DNAJB13: variants seen among roughly 807,000 people sequenced by gnomAD.
DNAJB13 encodes DnaJ heat shock protein family (Hsp40) member B13, also known as dnaJ homolog subfamily B member 13.
A neutral mutation model predicts 35.6 loss-of-function variants in DNAJB13; 22 were observed. The observed-to-expected ratio is 0.62, with a 90% CI of 0.44 to 0.88. DNAJB13 has a LOEUF of 0.88. Among genes scored for constraint, DNAJB13 ranks in the 40% least tolerant of loss-of-function variants. The pLI is 0.00. For missense variants in DNAJB13, 370 were observed against 384.3 expected, an observed-to-expected ratio of 0.96 and a Z score of 0.31; for synonymous variants, 136 against 144.2, an observed-to-expected ratio of 0.94 and a Z score of 0.41.
chr11:73,952,565 G>A (rs1419970531), intron 1 of DNAJB13, among the ~76,000 whole-genome samples: 1 of 152,088 alleles, frequency 6.6e-6, no homozygotes, highest in Non-Finnish European at 1.5e-5. Flanking sequence ...CTGCGGTGTT[G>A]GAGAAAAAAG....
At chr11:73,951,978 T>C (rs1299734389) in intron 1 of DNAJB13, among the ~76,000 whole-genome samples, 1 of 152,182 alleles carries the variant, frequency 6.6e-6, no homozygotes, top group Non-Finnish European at 1.5e-5. Flanking sequence ...CAAATATTTA[T>C]TGAGCGTCTA....
chr11:73,966,845 A>ATTTTTTTTT lies in DNAJB13; in HGVS notation c.606+611_606+619dup, dbSNP rs770257573. ...AGGCATGTGCCACCACGCCCAGCTA[A>ATTTTTTTTT]TTTTTTTTTTTTTTTTTTTTTTTTT... On this transcript the variant is annotated intron_variant, in intron 5 of 7. Transcript: ENST00000339764. Among the ~76,000 whole-genome samples, 16 of 98,230 alleles carry ATTTTTTTTT rather than the reference A, an allele frequency of 1.6e-4. 1 individual carries two copies. The highest frequency in any genetic ancestry group is 6.1e-4 in the African/African-American group (13 of 21,144). 64.4% of individuals were successfully genotyped at this position (98,230 alleles called of 152,430 possible).
chr11:73,961,971 G>A (rs1950944861), intron 3 of DNAJB13, among the ~76,000 whole-genome samples: 4 of 152,252 alleles, frequency 2.6e-5, no homozygotes, highest in African/African-American at 9.6e-5. Flanking sequence ...TGTATTTTGA[G>A]TAGAGATGGG....
chr11:73,954,000 A>AT (rs374256158), intron 1 of DNAJB13, among the ~76,000 whole-genome samples: 8,625 of 136,412 alleles, frequency 0.063, 360 homozygotes, highest in African/African-American at 0.11. Context: ...AATAATAATA[A>AT]AATAATAATA....
intron 3 of DNAJB13, chr11:73,964,215 C>G (rs1047076054): frequency 1.3e-5 from 2 of 152,782 alleles, no homozygotes; most frequent in African/African-American, 4.8e-5. Flanking sequence ...AGGATGGGGG[C>G]AGCAAGAGGG....
chr11:73,955,399 T>G (rs1240326358), intron 1 of DNAJB13, among the ~76,000 whole-genome samples: 1 of 151,252 alleles, frequency 6.6e-6, no homozygotes, highest in African/African-American at 2.4e-5. Context: ...ACCTCCACCT[T>G]CTAGGTTCAA....
chr11:73,954,641 A>AT (rs1950688691), intron 1 of DNAJB13, among the ~76,000 whole-genome samples: 1 of 125,192 alleles, frequency 8.0e-6, no homozygotes, highest in African/African-American at 3.1e-5. Flanking sequence ...AAAAAAAAAA[A>AT]TAAAATAAAT....
In DNAJB13 at chr11:73,966,147, G is replaced by A. The variant is rs570872879; in HGVS notation, c.502G>A (p.Glu168Lys). ...KIKISRRVLNEDGYSSTIKDK... is the reference protein window; with the variant it reads ...KIKISRRVLNKDGYSSTIKDK... ...TGATATGTTGCTATAGGTGCTGAAC[G>A]AGGATGGGTACTCCTCCACCATCAA... The change falls in exon 5 of 8, where the codon GAG becomes AAG. Residue 168 changes from glutamate (E) to lysine (K), a missense_variant. By Grantham distance (56) the Glu-to-Lys change is moderately conservative. Transcript: ENST00000339764. 7.4e-6 allele frequency: 12 copies of A among 1,613,008 alleles called. No homozygotes were observed. The highest frequency in any genetic ancestry group is 6.7e-5 in the East Asian group (3 of 44,882).
intron 3 of DNAJB13, 169 bp downstream of exon 3, chr11:73,959,824 G>A: frequency 1.6e-6 from 1 of 607,372 alleles, no homozygotes; most frequent in Non-Finnish European, 2.4e-6. Context: ...GTGCAGTAGT[G>A]GGATCATGGC....
At chr11:73,951,722 C>A (rs1005887031) in intron 1 of DNAJB13, among the ~76,000 whole-genome samples, 2 of 152,210 alleles carry the variant, frequency 1.3e-5, no homozygotes, top group East Asian at 3.8e-4. Context: ...TCTCGGCTCA[C>A]CGCAACCTCC....
At chr11:73,965,990 G>C (rs1414058904) in intron 4 of DNAJB13, 148 bp from the exon 5 acceptor site, 8 of 719,116 alleles carry the variant, frequency 1.1e-5, no homozygotes, top group Admixed American at 6.7e-5. Context: ...TCTTCCCATT[G>C]CTAGAGGATT....
intron 2 of DNAJB13, among the ~76,000 whole-genome samples, chr11:73,958,866 C>T (rs1377065116): frequency 6.6e-6 from 1 of 152,140 alleles, no homozygotes; most frequent in Admixed American, 6.5e-5. Flanking sequence ...AGAGAAAGGC[C>T]AGGAGTAATT....
At chr11:73,953,892 G>T (rs908480206) in intron 1 of DNAJB13, among the ~76,000 whole-genome samples, 4 of 151,398 alleles carry the variant, frequency 2.6e-5, no homozygotes, top group Non-Finnish European at 2.9e-5. Context: ...GGAGGCTGAG[G>T]CAGGAGAATG....
chr11:73,953,338 G>A (rs1416318419), intron 1 of DNAJB13, among the ~76,000 whole-genome samples: 1 of 152,150 alleles, frequency 6.6e-6, no homozygotes, highest in Admixed American at 6.5e-5. Flanking sequence ...GTAGCAGGAC[G>A]AGCCGCAGAA....
intron 3 of DNAJB13, chr11:73,964,541 T>C (rs1336282684): frequency 3.6e-6 from 1 of 275,914 alleles, no homozygotes; most frequent in Non-Finnish European, 6.6e-6. Flanking sequence ...CAGCCAGAGT[T>C]ACGGTATCCG....
Position 73,958,391 on chromosome 11 carries a change from TAGC to T in DNAJB13, c.146_148del (p.Ala49del). 1.9e-6 allele frequency: 3 copies of T among 1,614,054 alleles called. No individual in the cohort carries two copies. The highest frequency in any genetic ancestry group is 2.5e-6 in the Non-Finnish European group (3 of 1,179,996). On this transcript the variant is annotated inframe_deletion, in exon 2 of 8. Transcript: ENST00000339764. ...TCTTCAGCAGAGATTTTCAGGCAAA[TAGC>T]AGAGGCCTACGACGTGCTGAGTGAC...
chr11:73,956,770 T>C (rs1298999780), intron 1 of DNAJB13, among the ~76,000 whole-genome samples: 1 of 139,200 alleles, frequency 7.2e-6, no homozygotes, highest in Non-Finnish European at 1.5e-5. Flanking sequence ...GCCATTGCAC[T>C]CCAGCTTGGG....
At chr11:73,963,550 AG>A (rs1950994818) in intron 3 of DNAJB13, 1 of 152,190 alleles carries the variant, frequency 6.6e-6, no homozygotes, top group South Asian at 2.1e-4. Context: ...CTCCACCCCA[AG>A]GGTTCCTGAG....
chr11:73,960,644 GA>G (rs1225049795), intron 3 of DNAJB13, among the ~76,000 whole-genome samples: 1 of 152,216 alleles, frequency 6.6e-6, no homozygotes, highest in Non-Finnish European at 1.5e-5. Context: ...TTCTTCCTCA[GA>G]AGCAGCTACT....
Sources: gnomAD v4.1 joint callset for allele counts (sites outside exome capture counted in the v4.1 genomes callset) on GRCh38, gnomAD v4.1.1 for gene constraint, MANE v1.5 for transcripts, NCBI Gene and HGNC (gene_info 2026-07-23, HGNC 2026-07-21) for gene names.